The following EVA1A variants were observed in gnomAD, a reference collection of about 807,000 sequenced individuals.
EVA1A encodes eva-1 homolog A, regulator of programmed cell death.
EVA1A carries 7 observed loss-of-function variants against 9.8 expected under a neutral mutation model. That is an observed-to-expected ratio of 0.71 (90% CI 0.41 to 1.34). EVA1A has a LOEUF of 1.34. Among genes scored for constraint, EVA1A ranks in the 40% most tolerant of loss-of-function variants. The pLI, the probability that EVA1A is intolerant of heterozygous loss-of-function variation, is 0.01. For missense variants in EVA1A, 206 were observed against 205.9 expected (o/e 1.00, Z 0.00); for synonymous variants, 90 against 85.6 (o/e 1.05, Z -0.28).
chr2:75,510,476 C>T (rs189516251), intron 3 of EVA1A, among the ~76,000 whole-genome samples: 20 of 152,178 alleles, frequency 1.3e-4, no homozygotes, highest in Admixed American at 1.2e-3. Flanking sequence ...AAATTCGTGA[C>T]TATCATCAAT....
At chr2:75,517,884 G>T (rs183614616) in intron 3 of EVA1A, 172 bp downstream of exon 3, 2 of 796,076 alleles carry the variant, frequency 2.5e-6, no homozygotes, top group Admixed American at 2.0e-5. Flanking sequence ...AGAATGACAA[G>T]CTTAACTCCC....
intron 2 of EVA1A, among the ~76,000 whole-genome samples, chr2:75,519,715 T>C (rs569747268): frequency 6.6e-6 from 1 of 152,332 alleles, no homozygotes; most frequent in African/African-American, 2.4e-5. Context: ...GTTCAGAGGC[T>C]GTTCTACAGA....
At chr2:75,552,806 GC>G (rs1354171115) in intron 1 of EVA1A, among the ~76,000 whole-genome samples, 1 of 152,166 alleles carries the variant, frequency 6.6e-6, no homozygotes, top group Non-Finnish European at 1.5e-5. Flanking sequence ...TGGGAAGGAG[GC>G]TGAGATGTAT....
At chr2:75,542,892 A>T (rs974799391) in intron 1 of EVA1A, among the ~76,000 whole-genome samples, 1 of 152,184 alleles carries the variant, frequency 6.6e-6, no homozygotes, top group Non-Finnish European at 1.5e-5. Context: ...GGTAATAGTT[A>T]AAAGTGCTTG....
chr2:75,559,937 G>A (rs535402799), intron 1 of EVA1A, among the ~76,000 whole-genome samples: 5 of 152,200 alleles, frequency 3.3e-5, no homozygotes, highest in Admixed American at 3.3e-4. Context: ...GAACAACATG[G>A]CAAGCCAGCA....
At chr2:75,544,128 ATGTAGATGTG>A (rs1676239593) in intron 1 of EVA1A, among the ~76,000 whole-genome samples, 1 of 152,202 alleles carries the variant, frequency 6.6e-6, no homozygotes, top group Admixed American at 6.5e-5. Flanking sequence ...GTTTGAACAC[ATGTAGATGTG>A]TCATTAATTG....
chr2:75,543,043 T>C (rs1010653016), intron 1 of EVA1A, among the ~76,000 whole-genome samples: 6 of 152,198 alleles, frequency 3.9e-5, no homozygotes, highest in Admixed American at 1.3e-4. Flanking sequence ...TCATGGAGAC[T>C]GGCAGGAAAT....
intron 3 of EVA1A, among the ~76,000 whole-genome samples, chr2:75,500,624 A>G (rs1479054485): frequency 6.6e-6 from 1 of 152,044 alleles, no homozygotes; most frequent in Non-Finnish European, 1.5e-5. Context: ...GTACCTTCCA[A>G]CTTCATACAG....
intron 2 of EVA1A, among the ~76,000 whole-genome samples, chr2:75,520,985 C>T (rs1267810947): frequency 6.6e-6 from 1 of 152,102 alleles, no homozygotes; most frequent in Non-Finnish European, 1.5e-5. Context: ...ATCCTAATTC[C>T]TAATATCAGA....
intron 1 of EVA1A, among the ~76,000 whole-genome samples, chr2:75,532,498 G>A (rs1325819877): frequency 6.6e-6 from 1 of 152,082 alleles, no homozygotes; most frequent in African/African-American, 2.4e-5. Flanking sequence ...ATAAACAGAT[G>A]GGCTTGATAG....
chr2:75,560,220 G>A (rs76553177), intron 1 of EVA1A, among the ~76,000 whole-genome samples: 6,015 of 152,240 alleles, frequency 0.04, 199 homozygotes, highest in African/African-American at 0.077. Context: ...CGCGCGGCGA[G>A]TTGGCTGCCT....
At chr2:75,546,600 C>T (rs1185081528) in intron 1 of EVA1A, among the ~76,000 whole-genome samples, 2 of 152,144 alleles carry the variant, frequency 1.3e-5, no homozygotes, top group Non-Finnish European at 2.9e-5. Context: ...GGAGAAGGAA[C>T]TGAATTGAGA....
In EVA1A at chr2:75,524,174, C is replaced by T. The variant is rs374211874; in HGVS notation, c.-191-1687G>A. 6 of 152,298 alleles carry T rather than the reference C, an allele frequency of 3.9e-5. No individual in the cohort carries two copies. In the South Asian group the frequency reaches 6.2e-4, roughly 16 times the overall value. The allele number at this position is 152,298 out of a possible 1,614,324, so 9.4% of individuals were successfully genotyped here. A position where few individuals can be genotyped will look rare whatever the true frequency, so the allele number is the denominator to read the frequency against. Reference sequence around the variant, plus strand: ...ACTGTGAGTCAATTAAACCTCTTTCCTTTATAAATTACCCAGTCACGGGTA... The same window carrying T: ...ACTGTGAGTCAATTAAACCTCTTTCTTTTATAAATTACCCAGTCACGGGTA... On this transcript the variant is annotated intron_variant, in intron 1 of 3. Transcript: ENST00000393913.
intron 2 of EVA1A, chr2:75,518,747 A>C (rs1296904149): frequency 1.9e-5 from 19 of 986,506 alleles, no homozygotes; most frequent in Non-Finnish European, 2.2e-5. Context: ...TACAAGCCAC[A>C]GCCCTCTCCT....
chr2:75,557,090 C>T (rs1676739173), intron 1 of EVA1A, among the ~76,000 whole-genome samples: 1 of 152,224 alleles, frequency 6.6e-6, no homozygotes. Flanking sequence ...CCTCACCCCA[C>T]TGAAGTTTTG....
chr2:75,537,326 G>C (rs975005007), intron 1 of EVA1A, among the ~76,000 whole-genome samples: 4 of 152,118 alleles, frequency 2.6e-5, no homozygotes, highest in Non-Finnish European at 4.4e-5. Context: ...ACTTGATAAA[G>C]AGCGTCTGCA....
intron 2 of EVA1A, among the ~76,000 whole-genome samples, chr2:75,519,157 C>A (rs1241874669): frequency 6.6e-6 from 1 of 152,212 alleles, no homozygotes; most frequent in Non-Finnish European, 1.5e-5. Flanking sequence ...AAAGGCTTTA[C>A]AGAGAGCTCC....
At chr2:75,501,374 A>G (rs1674413154) in intron 3 of EVA1A, among the ~76,000 whole-genome samples, 1 of 152,244 alleles carries the variant, frequency 6.6e-6, no homozygotes, top group Non-Finnish European at 1.5e-5. Context: ...GAATTTTCTT[A>G]GAGTTCTATT....
chr2:75,527,825 C>T (rs1263351804), intron 1 of EVA1A, among the ~76,000 whole-genome samples: 1 of 152,134 alleles, frequency 6.6e-6, no homozygotes, highest in East Asian at 1.9e-4. Flanking sequence ...AGAACCACCA[C>T]AGGAACATAC....
Sources: allele counts gnomAD v4.1 joint callset (sites outside exome capture counted in the v4.1 genomes callset), GRCh38; gene constraint gnomAD v4.1.1; transcripts MANE v1.5; gene names NCBI Gene and HGNC (gene_info 2026-07-23, HGNC 2026-07-21).